HIVEP3: variants seen among roughly 807,000 people sequenced by gnomAD.
HIVEP3 encodes the protein HIVEP zinc finger 3, also known as transcription factor HIVEP3.
Under a neutral mutation model 152.8 loss-of-function variants are expected in HIVEP3, and 49 were observed. The observed-to-expected ratio is 0.32, with a 90% CI of 0.26 to 0.41. The LOEUF is 0.41. Among genes scored for constraint, HIVEP3 ranks in the 10% least tolerant of loss-of-function variants. The pLI is 1.00. For missense variants in HIVEP3, 2,790 were observed against 3,103.3 expected (o/e 0.90, Z 2.40); for synonymous variants, 1,269 against 1,289.0 (o/e 0.98, Z 0.33).
At chr1:41,926,704 C>T (rs1029839083) in intron 1 of HIVEP3, among the ~76,000 whole-genome samples, 2 of 152,014 alleles carry the variant, frequency 1.3e-5, no homozygotes, top group African/African-American at 4.8e-5. Flanking sequence ...CTATTAGTGC[C>T]TTAAGTGGAA....
chr1:41,951,527 C>G (rs1382620378), intron 1 of HIVEP3, among the ~76,000 whole-genome samples: 2 of 152,162 alleles, frequency 1.3e-5, no homozygotes, highest in African/African-American at 4.8e-5. Context: ...ATTCTACAAA[C>G]TGTAAACTTA....
At position 41,513,558 on chromosome 1, in the gene HIVEP3, T is replaced by A; in HGVS notation, c.5663A>T (p.His1888Leu). The A allele has an allele frequency of 6.2e-7, 1 of 1,611,736 alleles. No individual in the cohort carries two copies. Among genetic ancestry groups the A allele is most frequent in the Admixed American group, 1.7e-5 (1 of 59,868 alleles). ...SSEAPPPGPP[H>L]ALRADSSPIL... The stretch of plus-strand genomic sequence containing the variant: ...GGGTGAGGAGTCTGCCCGCAGTGCA[T>A]GTGGTGGGCCAGGCGGGGGCGCCTC... The change falls in exon 8 of 9, where the codon CAT becomes CTT. Residue 1888 changes from histidine to leucine, a missense_variant. His to Leu is a moderately conservative substitution (Grantham distance 99). Around this residue, in one of 9 missense-constraint regions of HIVEP3, gnomAD observed 816 missense variants for 806.5 expected, o/e 1.01. Transcript: ENST00000372583.
chr1:41,590,642 T>C lies in HIVEP3; in HGVS notation c.-521-5324A>G, dbSNP rs143709149. Among the ~76,000 whole-genome samples the C allele has an allele frequency of 7.9e-5, 12 of 152,308 alleles. No homozygotes were observed. The East Asian group carries it at 2.1e-3, about 27-fold the overall frequency. On this transcript the variant is annotated intron_variant, in intron 3 of 8. Coordinates refer to ENST00000372583, the MANE Select transcript of HIVEP3 (RefSeq NM_024503.5). ...TGTTACTTGGTCCCTTTTGGAGCAG[T>C]TGAACAAATACACTAACTCATCCAG...
rs1469822235 is a variant in HIVEP3, at chr1:41,797,941, T to C, written c.-800-96946A>G. On this transcript the variant is annotated intron_variant, in intron 1 of 8. Coordinates refer to ENST00000372583, the MANE Select transcript of HIVEP3 (RefSeq NM_024503.5). ...GTTGCAGTGAGCCGAGATCGCACCA[T>C]GGTACTCTAGCCTGGCAACAGAGCA... Among the ~76,000 whole-genome samples, 5 of 152,006 alleles carry C rather than the reference T, an allele frequency of 3.3e-5. No homozygotes were observed. The East Asian group carries it at 7.7e-4, about 23-fold the overall frequency.
chr1:42,024,490 AAGAT>A (rs1645571511), intron 1 of HIVEP3, among the ~76,000 whole-genome samples: 1 of 152,226 alleles, frequency 6.6e-6, no homozygotes, highest in Non-Finnish European at 1.5e-5. Flanking sequence ...TATCAGCCTG[AAGAT>A]AGTCATTATC....
intron 2 of HIVEP3, among the ~76,000 whole-genome samples, chr1:41,633,887 T>C (rs1645232503): frequency 6.6e-6 from 1 of 152,190 alleles, no homozygotes; most frequent in Non-Finnish European, 1.5e-5. Flanking sequence ...AACTCAGCTT[T>C]GCCTTACCAA....
chr1:42,003,112 G>A (rs186673015), intron 1 of HIVEP3, among the ~76,000 whole-genome samples: 30 of 151,498 alleles, frequency 2.0e-4, no homozygotes, highest in African/African-American at 6.5e-4. Context: ...GTCTTGCTCT[G>A]TTGCCCAGGC....
intron 1 of HIVEP3, among the ~76,000 whole-genome samples, chr1:41,725,545 C>T (rs949303848): frequency 3.3e-5 from 5 of 152,174 alleles, no homozygotes; most frequent in Non-Finnish European, 5.9e-5. Context: ...GGTAACTGCT[C>T]GCTCCAAGAT....
intron 5 of HIVEP3, among the ~76,000 whole-genome samples, chr1:41,549,110 G>A (rs1454347919): frequency 6.6e-6 from 1 of 151,020 alleles, no homozygotes; most frequent in Non-Finnish European, 1.5e-5. Flanking sequence ...ACCTATGAGT[G>A]AGAACATGCG....
chr1:41,518,793 TA>T (rs1449706603), intron 6 of HIVEP3, among the ~76,000 whole-genome samples: 4 of 149,090 alleles, frequency 2.7e-5, no homozygotes, highest in Admixed American at 1.3e-4. Flanking sequence ...AAAAAGAAAT[TA>T]AAAGACAACT....
At chr1:41,825,257 C>G (rs1175316186) in intron 1 of HIVEP3, among the ~76,000 whole-genome samples, 1 of 151,940 alleles carries the variant, frequency 6.6e-6, no homozygotes, top group Non-Finnish European at 1.5e-5. Context: ...AGTACATTCA[C>G]GAGGGCGGGG....
chr1:41,894,294 G>T (rs1644495394), intron 1 of HIVEP3, among the ~76,000 whole-genome samples: 1 of 152,114 alleles, frequency 6.6e-6, no homozygotes. Flanking sequence ...TAAGTAAATT[G>T]TCCAAGATGA....
At chr1:41,548,280 C>T (rs957581692) in intron 5 of HIVEP3, among the ~76,000 whole-genome samples, 7 of 152,192 alleles carry the variant, frequency 4.6e-5, no homozygotes, top group Admixed American at 1.3e-4. Context: ...GTAGCGATCA[C>T]TCTCCCCACC....
intron 5 of HIVEP3, among the ~76,000 whole-genome samples, chr1:41,559,724 T>C (rs1239228744): frequency 6.6e-6 from 1 of 152,144 alleles, no homozygotes. Context: ...ATCATTAACA[T>C]GCCATGTTAA....
intron 5 of HIVEP3, among the ~76,000 whole-genome samples, chr1:41,569,623 TG>T (rs1487385270): frequency 6.6e-5 from 10 of 152,194 alleles, no homozygotes; most frequent in African/African-American, 2.4e-4. Flanking sequence ...GAAATGGATT[TG>T]TAAAAAAACT....
intron 5 of HIVEP3, among the ~76,000 whole-genome samples, chr1:41,573,801 G>A (rs1644286528): frequency 1.3e-5 from 2 of 152,160 alleles, no homozygotes; most frequent in African/African-American, 4.8e-5. Context: ...AGAGGTAAGT[G>A]GGGCAGAGAT....
At position 41,782,374 on chromosome 1, in the gene HIVEP3, C is replaced by CT. The variant is rs1352284641; in HGVS notation, c.-800-81380dup. 2.0e-5 allele frequency among the ~76,000 whole-genome samples: 3 copies of CT among 152,246 alleles called. No homozygotes were observed. The East Asian group carries it at 5.8e-4, about 29-fold the overall frequency. Reference sequence around the variant, plus strand: ...TCAGTTTGGAGAGGCAAAATAAGTTCTGGAGCTGGAGGGTGGTGATGGTCA... The same window carrying CT: ...TCAGTTTGGAGAGGCAAAATAAGTTCTTGGAGCTGGAGGGTGGTGATGGTCA... On this transcript the variant is annotated intron_variant, in intron 1 of 8. Transcript: ENST00000372583.
intron 2 of HIVEP3, among the ~76,000 whole-genome samples, chr1:41,692,975 C>T (rs920624558): frequency 6.6e-6 from 1 of 152,218 alleles, no homozygotes; most frequent in Non-Finnish European, 1.5e-5. Flanking sequence ...GCCCAACCCT[C>T]TGCTAAGAGT....
intron 1 of HIVEP3, among the ~76,000 whole-genome samples, chr1:42,003,264 A>G (rs1256032120): frequency 6.6e-6 from 1 of 152,046 alleles, no homozygotes; most frequent in Admixed American, 6.5e-5. Context: ...TTTAGTAGAG[A>G]TGAGGTTTCA....
Sources: allele counts gnomAD v4.1 joint callset (sites outside exome capture counted in the v4.1 genomes callset), GRCh38; gene constraint gnomAD v4.1.1; regional missense constraint gnomAD v4.1.1; transcripts MANE v1.5; gene names NCBI Gene and HGNC (gene_info 2026-07-23, HGNC 2026-07-21).